PDE1A: variants seen among roughly 807,000 people sequenced by gnomAD.
PDE1A encodes the protein phosphodiesterase 1A.
PDE1A carries 35 observed loss-of-function variants against 61.7 expected under a neutral mutation model. The ratio of observed to expected loss-of-function variants is 0.57; its 90% CI spans 0.43 to 0.75. The LOEUF is 0.75. Ranked by LOEUF, PDE1A falls within the 30% of genes least tolerant of loss-of-function variation. PDE1A has a pLI of 0.00. For synonymous variants in PDE1A, 232 were observed against 213.2 expected, an observed-to-expected ratio of 1.09 and a Z score of -0.77; for missense variants, 597 against 630.6, an observed-to-expected ratio of 0.95 and a Z score of 0.57.
chr2:182,592,405 ATT>A, the PDE1A span, among the ~76,000 whole-genome samples: 1 of 152,198 alleles, frequency 6.6e-6, no homozygotes, highest in Non-Finnish European at 1.5e-5. Context: ...GTATATAAAT[ATT>A]TGAGTATTAA....
chr2:182,370,033 C>T (rs758668584), intron 1 of PDE1A, among the ~76,000 whole-genome samples: 25 of 151,806 alleles, frequency 1.6e-4, no homozygotes, highest in Non-Finnish European at 2.2e-4. Flanking sequence ...AAAAATTAGC[C>T]GGGCGTGGTG....
At chr2:182,374,692 C>A (rs895182293) in intron 1 of PDE1A, among the ~76,000 whole-genome samples, 1 of 152,180 alleles carries the variant, frequency 6.6e-6, no homozygotes, top group Non-Finnish European at 1.5e-5. Flanking sequence ...ATAAGACACA[C>A]AAGTGGTGAA....
At chr2:182,299,129 G>T (rs556030407) in intron 1 of PDE1A, among the ~76,000 whole-genome samples, 1 of 152,010 alleles carries the variant, frequency 6.6e-6, no homozygotes, top group African/African-American at 2.4e-5. Context: ...GTACACTGGG[G>T]AAAAATACAT....
Position 182,168,089 on chromosome 2 carries a change from T to C in PDE1A, c.*158A>G, listed in dbSNP as rs530272770. On this transcript the variant is annotated 3_prime_UTR_variant, in exon 14 of 14. Transcript: ENST00000351439. Reference sequence around the variant, plus strand: ...CGGTGAATTAAGGAGTTTACAGCTGTTATTTATGTGGCTCATGATGCTTAT... The same window carrying C: ...CGGTGAATTAAGGAGTTTACAGCTGCTATTTATGTGGCTCATGATGCTTAT... 122 of 1,346,986 alleles carry C rather than the reference T, an allele frequency of 9.1e-5. No individual in the cohort carries two copies. In the African/African-American group the frequency reaches 1.7e-3, roughly 18 times the overall value. The allele number at this position is 1,346,986 out of a possible 1,614,324, so 83.4% of individuals were successfully genotyped here. A position where few individuals can be genotyped will look rare whatever the true frequency, so the allele number is the denominator to read the frequency against.
At chr2:182,209,320 T>C (rs1427365617) in intron 7 of PDE1A, among the ~76,000 whole-genome samples, 1 of 151,952 alleles carries the variant, frequency 6.6e-6, no homozygotes, top group Non-Finnish European at 1.5e-5. Flanking sequence ...TTATTCACTA[T>C]CACGAGAACA....
chr2:182,394,117 T>C (rs185029900), intron 1 of PDE1A, among the ~76,000 whole-genome samples: 206 of 152,290 alleles, frequency 1.4e-3, no homozygotes, highest in Middle Eastern at 3.4e-3. Context: ...CCCAATCTAT[T>C]GGTGCCAATT....
At chr2:182,316,071 T>C (rs1300431892) in intron 1 of PDE1A, among the ~76,000 whole-genome samples, 2 of 152,188 alleles carry the variant, frequency 1.3e-5, no homozygotes, top group Non-Finnish European at 2.9e-5. Context: ...AGTAATTGAA[T>C]AAGTCTCTAA....
At chr2:182,544,744 C>T in the PDE1A span, among the ~76,000 whole-genome samples, 1 of 152,244 alleles carries the variant, frequency 6.6e-6, no homozygotes, top group South Asian at 2.1e-4. Flanking sequence ...TTTTCTGCCT[C>T]GATTTGTCTG....
chr2:182,278,996 G>T (rs566981894), intron 1 of PDE1A, among the ~76,000 whole-genome samples: 4 of 151,822 alleles, frequency 2.6e-5, no homozygotes, highest in Admixed American at 1.3e-4. Flanking sequence ...ACCTTACATT[G>T]GTAAATGACA....
chr2:182,385,073 C>G (rs1222954198), intron 1 of PDE1A, among the ~76,000 whole-genome samples: 1 of 152,106 alleles, frequency 6.6e-6, no homozygotes, highest in African/African-American at 2.4e-5. Flanking sequence ...CCCAACAAAG[C>G]TTTATAAATG....
At chr2:182,687,878 G>C in the PDE1A span, among the ~76,000 whole-genome samples, 1 of 152,202 alleles carries the variant, frequency 6.6e-6, no homozygotes, top group Non-Finnish European at 1.5e-5. Flanking sequence ...ACTATGCGAT[G>C]AATGCAAAAG....
At chr2:182,266,028 C>CACCCATAAGCAATAGTTCATTTCTCT (rs1692610556) in intron 1 of PDE1A, among the ~76,000 whole-genome samples, 1 of 152,078 alleles carries the variant, frequency 6.6e-6, no homozygotes, top group Non-Finnish European at 1.5e-5. Flanking sequence ...GACATTTCTC[C>CACCCATAAGCAATAGTTCATTTCTCT]ACCCATAAGC....
intron 1 of PDE1A, among the ~76,000 whole-genome samples, chr2:182,404,135 T>A (rs1702172720): frequency 6.6e-6 from 1 of 151,530 alleles, no homozygotes. Context: ...CATGAAGAAA[T>A]TCTATGCTTC....
chr2:182,416,704 A>G (rs1702939561), intron 1 of PDE1A, among the ~76,000 whole-genome samples: 1 of 152,212 alleles, frequency 6.6e-6, no homozygotes, highest in Admixed American at 6.5e-5. Context: ...TAAAGAAGGC[A>G]TGTTTTGGAG....
At chr2:182,506,963 A>G (rs1202444138) in intron 2 of PDE1A, among the ~76,000 whole-genome samples, 2 of 152,226 alleles carry the variant, frequency 1.3e-5, no homozygotes, top group Admixed American at 6.5e-5. Flanking sequence ...GAGCAATACA[A>G]GTTCAGTACA....
chr2:182,168,516 A>T (rs765662956), intron 13 of PDE1A, among the ~76,000 whole-genome samples: 2 of 152,028 alleles, frequency 1.3e-5, no homozygotes, highest in Non-Finnish European at 2.9e-5. Flanking sequence ...TGATCTTAAG[A>T]TGATTCATTT....
the PDE1A span, among the ~76,000 whole-genome samples, chr2:182,561,625 G>A: frequency 2.7e-3 from 405 of 152,258 alleles, 2 homozygotes; most frequent in African/African-American, 9.2e-3. Context: ...GAATGCTATT[G>A]AATCTATAAA....
intron 1 of PDE1A, among the ~76,000 whole-genome samples, chr2:182,312,431 A>G (rs1415932502): frequency 2.6e-5 from 4 of 152,168 alleles, no homozygotes; most frequent in African/African-American, 9.6e-5. Flanking sequence ...TTATAGTTTT[A>G]GGCTTTACAT....
the PDE1A span, among the ~76,000 whole-genome samples, chr2:182,546,355 C>T: frequency 6.6e-6 from 1 of 151,860 alleles, no homozygotes; most frequent in Non-Finnish European, 1.5e-5. Flanking sequence ...AGACCACTCA[C>T]TGGATGGATG....
Sources: allele counts gnomAD v4.1 joint callset (sites outside exome capture counted in the v4.1 genomes callset), GRCh38; gene constraint gnomAD v4.1.1; transcripts MANE v1.5; gene names NCBI Gene and HGNC (gene_info 2026-07-23, HGNC 2026-07-21).